Variants in CCDC187 observed in about 807,000 individuals in gnomAD.
CCDC187 encodes coiled-coil domain containing 187.
In CCDC187, 32 loss-of-function variants were observed where a neutral mutation model predicts 38.0. The observed-to-expected ratio is 0.84, with a 90% confidence interval of 0.64 to 1.13. The LOEUF is 1.13. Ranked by LOEUF, CCDC187 falls within the 50% of genes most tolerant of loss-of-function variation. CCDC187 has a pLI of 0.00. For missense variants in CCDC187, 707 were observed against 786.8 expected, an observed-to-expected ratio of 0.90 and a Z score of 1.21; for synonymous variants, 333 against 347.9, an observed-to-expected ratio of 0.96 and a Z score of 0.48.
intron 14 of CCDC187, among the ~76,000 whole-genome samples, chr9:136,270,383 T>A (rs1185269052): frequency 6.8e-6 from 1 of 146,122 alleles, no homozygotes; most frequent in Admixed American, 7.0e-5. Context: ...GTCAAGCAAG[T>A]CACGTGATCA....
chr9:136,261,859 C>T (rs1488043725), intron 19 of CCDC187, among the ~76,000 whole-genome samples: 2 of 152,236 alleles, frequency 1.3e-5, no homozygotes, highest in Non-Finnish European at 2.9e-5. Flanking sequence ...GAGAGAAGGC[C>T]TCCTCGGCCC....
At position 136,254,102 on chromosome 9, in the gene CCDC187, G is replaced by A. The variant is rs952908287; in HGVS notation, c.5726C>T (p.Ser1909Phe). 12 of 985,520 alleles carry A rather than the reference G, an allele frequency of 1.2e-5. No homozygotes were observed. Among genetic ancestry groups the A allele is most frequent in the Admixed American group, 1.2e-4 (2 of 16,284 alleles). 61.0% of individuals were successfully genotyped at this position (985,520 alleles called of 1,614,324 possible). The change falls in exon 26 of 26, where the codon TCT becomes TTT. Residue 1909 changes from serine to phenylalanine, a missense_variant. Ser to Phe is a radical substitution (Grantham distance 155). Coordinates refer to ENST00000638797, the MANE Select transcript of CCDC187 (RefSeq NM_001378188.1). The stretch of plus-strand genomic sequence containing the variant: ...ATCCCGGGTTCCCTCCTGGTAGCCA[G>A]AAGTCTCTCCTCCTTTGCCGAAATC... The part of the protein sequence containing the change: ...GADFGKGGET[S>F]GYQEGTRDAD...
At chr9:136,286,809 A>C in intron 7 of CCDC187, 114 bp from the exon 8 acceptor site, 1 of 397,788 alleles carries the variant, frequency 2.5e-6, no homozygotes, top group Non-Finnish European at 4.4e-6. Flanking sequence ...TGACGGACCC[A>C]GTGTCTGTCC....
chr9:136,269,464 A>G (rs1362287181), intron 14 of CCDC187, among the ~76,000 whole-genome samples: 1 of 152,178 alleles, frequency 6.6e-6, no homozygotes, highest in Non-Finnish European at 1.5e-5. Context: ...CCTGGCTAAC[A>G]TGGTGAAACC....
chr9:136,283,356 G>A (rs943379568), intron 9 of CCDC187, among the ~76,000 whole-genome samples: 3 of 152,274 alleles, frequency 2.0e-5, no homozygotes, highest in African/African-American at 7.2e-5. Flanking sequence ...GCAGCAGGTG[G>A]AACCAGCAGA....
intron 9 of CCDC187, among the ~76,000 whole-genome samples, chr9:136,282,461 A>G (rs1006173047): frequency 0.12 from 17,682 of 152,012 alleles, 1,382 homozygotes; most frequent in Admixed American, 0.2. Context: ...TTGTGGGCGG[A>G]GCATGTGCTG....
intron 4 of CCDC187, among the ~76,000 whole-genome samples, chr9:136,293,422 T>G (rs1390756573): frequency 5.8e-5 from 2 of 34,440 alleles, no homozygotes; most frequent in African/African-American, 2.6e-4. Context: ...CATGCTCACA[T>G]ACTCTCACAT....
At chr9:136,261,086 C>T (rs1830672924) in intron 19 of CCDC187, among the ~76,000 whole-genome samples, 1 of 152,012 alleles carries the variant, frequency 6.6e-6, no homozygotes, top group Non-Finnish European at 1.5e-5. Flanking sequence ...CCTACACCCT[C>T]CTCGGCACGC....
chr9:136,274,192 C>T (rs538331894), intron 14 of CCDC187, among the ~76,000 whole-genome samples: 15 of 152,234 alleles, frequency 9.9e-5, no homozygotes, highest in Non-Finnish European at 2.2e-4. Context: ...GGAGGCCAGC[C>T]TGGAGGTCAT....
chr9:136,277,378 G>GC (rs1830952125), intron 10 of CCDC187, among the ~76,000 whole-genome samples: 1 of 126,868 alleles, frequency 7.9e-6, no homozygotes, highest in Non-Finnish European at 1.7e-5. Flanking sequence ...GAGGGGGTAA[G>GC]TGGATACAGA....
At chr9:136,255,308 C>A (rs946305379) in intron 25 of CCDC187, among the ~76,000 whole-genome samples, 174 bp from the exon 26 acceptor site, 1 of 152,208 alleles carries the variant, frequency 6.6e-6, no homozygotes, top group Non-Finnish European at 1.5e-5. Flanking sequence ...GGGTTCACCA[C>A]GCCCACCCCC....
upstream of CCDC187, among the ~76,000 whole-genome samples, chr9:136,305,942 C>T (rs1163149656): frequency 2.0e-5 from 3 of 152,212 alleles, no homozygotes; most frequent in Non-Finnish European, 2.9e-5. Flanking sequence ...CACACGTCAG[C>T]TCCCGAAGGC....
intron 14 of CCDC187, among the ~76,000 whole-genome samples, chr9:136,268,770 AAC>A (rs1554761997): frequency 6.6e-6 from 1 of 152,354 alleles, no homozygotes. Flanking sequence ...CATATGAAAT[AAC>A]AGTTTTCCAG....
intron 18 of CCDC187, among the ~76,000 whole-genome samples, chr9:136,262,914 G>A (rs904288026): frequency 3.0e-4 from 45 of 152,162 alleles, no homozygotes; most frequent in Admixed American, 1.6e-3. Flanking sequence ...TCCACACAGC[G>A]TCCTCACTCC....
At position 136,254,641 on chromosome 9, in the gene CCDC187, C is replaced by T. The variant is rs117860850; in HGVS notation, c.5187G>A (p.Ala1729=). 3.2e-4 allele frequency: 318 copies of T among 985,532 alleles called. 5 individuals are homozygous for T. The East Asian group carries it at 0.026, about 79-fold the overall frequency. 61.0% of individuals were successfully genotyped at this position (985,532 alleles called of 1,614,324 possible). A position where few individuals can be genotyped will look rare whatever the true frequency, so the allele number is the denominator to read the frequency against. ...SLDTAMAEVS[A]PEQSPKAGWL... is the part of the protein sequence containing the mutation. ...AGCCTGCCTTTGGGCTTTGCTCCGG[C>T]GCTGAAACTTCTGCCATGGCCGTGT... is the stretch of plus-strand genomic sequence containing the variant. Residue 1729 remains alanine, a synonymous_variant, in exon 26 of 26, where the codon GCG becomes GCA. Coordinates refer to ENST00000638797, the MANE Select transcript of CCDC187 (RefSeq NM_001378188.1).
Position 136,267,478 on chromosome 9 carries a change from G to T in CCDC187, c.3553C>A (p.Arg1185=). The T allele has an allele frequency of 1.0e-6, 1 of 985,700 alleles. No homozygotes were observed. The allele number at this position is 985,700 out of a possible 1,614,324, so 61.1% of individuals were successfully genotyped here. ...LERSLREEEL[R]AQHQAALLRL... is the part of the protein sequence containing the mutation. ...AGCAGCGCGGCCTGGTGCTGTGCTC[G>T]CAGCTCCTCCTCCCGCAGGCTCCGC... The change falls in exon 16 of 26, where the codon CGA becomes AGA. Residue 1185 remains arginine, a synonymous_variant. Coordinates refer to ENST00000638797, the MANE Select transcript of CCDC187 (RefSeq NM_001378188.1).
intron 3 of CCDC187, among the ~76,000 whole-genome samples, chr9:136,298,864 G>A: frequency 1.3e-5 from 2 of 152,394 alleles, no homozygotes; most frequent in East Asian, 3.9e-4. Context: ...AACAGAGGCT[G>A]GCAATGGCTG....
chr9:136,270,239 G>C lies in CCDC187; in HGVS notation c.3443-2114C>G, dbSNP rs533653612. On this transcript the variant is annotated intron_variant, in intron 14 of 25. Transcript: ENST00000638797. ...AGAGAAAGAGAAAACAGCTGGGCCC[G>C]GGGGACCACTACCATCAAGAAGCGG... Among the ~76,000 whole-genome samples, 4 of 152,274 alleles carry C rather than the reference G, an allele frequency of 2.6e-5. No homozygotes were observed. In the East Asian group the frequency reaches 7.7e-4, roughly 29 times the overall value.
intron 15 of CCDC187, 136 bp downstream of exon 15, chr9:136,267,913 A>G (rs1830776473): frequency 5.1e-6 from 5 of 985,526 alleles, no homozygotes; most frequent in Non-Finnish European, 6.0e-6. Context: ...GGGTGACGCG[A>G]TCGCCGGAAG....
Sources: gnomAD v4.1 joint callset for allele counts (sites outside exome capture counted in the v4.1 genomes callset) on GRCh38, gnomAD v4.1.1 for gene constraint, MANE v1.5 for transcripts, NCBI Gene and HGNC (gene_info 2026-07-23, HGNC 2026-07-21) for gene names.